SNRNP40: variants seen among roughly 807,000 people sequenced by gnomAD.
SNRNP40 encodes the protein U5 small nuclear ribonucleoprotein 40 kDa protein.
SNRNP40 carries 21 observed loss-of-function variants against 45.8 expected under a neutral mutation model. That is an observed-to-expected ratio of 0.46 (90% CI 0.32 to 0.66). SNRNP40 has a LOEUF of 0.66. Ranked by LOEUF, SNRNP40 falls within the 30% of genes least tolerant of loss-of-function variation. SNRNP40 has a pLI of 0.03. For missense variants in SNRNP40, 344 were observed against 439.1 expected (o/e 0.78, Z 1.94); for synonymous variants, 142 against 163.8 (o/e 0.87, Z 1.01).
At chr1:31,288,805 C>T (rs1199209115) in intron 4 of SNRNP40, among the ~76,000 whole-genome samples, 1 of 152,146 alleles carries the variant, frequency 6.6e-6, no homozygotes, top group African/African-American at 2.4e-5. Context: ...GTGGTGCAAT[C>T]TCTGCAAGCT....
At chr1:31,296,519 C>A (rs1452690497) in intron 1 of SNRNP40, 92 bp downstream of exon 1, 1 of 1,453,024 alleles carries the variant, frequency 6.9e-7, no homozygotes, top group Non-Finnish European at 9.3e-7. Flanking sequence ...TCTGCCCCCG[C>A]AATGCGGGAA....
Position 31,281,435 on chromosome 1 carries a change from G to A in SNRNP40, c.593C>T (p.Ala198Val). The change falls in exon 5 of 10, where the codon GCT becomes GTT. Residue 198 changes from alanine (A) to valine (V), a missense_variant. Coordinates refer to ENST00000263694, the MANE Select transcript of SNRNP40 (RefSeq NM_004814.3). ...ATCACTTGTGTCATTGAAGGTCACA[G>A]CTAACACCTGGTACGTGTTCTGAAA... The part of the protein sequence containing the change: ...QTFQNTYQVL[A>V]VTFNDTSDQI... 1 of 1,609,040 alleles carries A rather than the reference G, an allele frequency of 6.2e-7. No individual in the cohort carries two copies. Among genetic ancestry groups the A allele is most frequent in the South Asian group, 1.1e-5 (1 of 90,868 alleles).
chr1:31,262,861 G>A (rs370384472), intron 8 of SNRNP40, among the ~76,000 whole-genome samples: 1 of 152,008 alleles, frequency 6.6e-6, no homozygotes, highest in Admixed American at 6.6e-5. Context: ...AATTAGCCAG[G>A]TGTAGTGGTG....
At position 31,290,734 on chromosome 1, in the gene SNRNP40, C is replaced by T. The variant is rs933059847; in HGVS notation, c.365+1179G>A. Among the ~76,000 whole-genome samples, 111 of 151,960 alleles carry T rather than the reference C, an allele frequency of 7.3e-4. No individual in the cohort carries two copies. The East Asian group carries it at 0.011, about 15-fold the overall frequency. ...CTATTAAAAATACAAAAAAATTAGC[C>T]GGGCATGGTGGCGGGCACCTGTAAT... On this transcript the variant is annotated intron_variant, in intron 3 of 9. Coordinates refer to ENST00000263694, the MANE Select transcript of SNRNP40 (RefSeq NM_004814.3).
At chr1:31,282,800 C>T (rs1012728025) in intron 4 of SNRNP40, among the ~76,000 whole-genome samples, 2 of 152,070 alleles carry the variant, frequency 1.3e-5, no homozygotes, top group African/African-American at 2.4e-5. Flanking sequence ...CTCAGCCTCC[C>T]GAGTAGGTGG....
At position 31,271,482 on chromosome 1, in the gene SNRNP40, C is replaced by T. The variant is rs1645937870; in HGVS notation, c.672G>A (p.Gln224=). ...DNDIKVWDLR[Q]NKLTYTMRGH... ...CTCTCATGGTGTAGGTTAGCTTGTT[C>T]TGGCGCAGGTCCCAGACCTGCAAAA... Residue 224 remains glutamine, a synonymous_variant, in exon 6 of 10, where the codon CAG becomes CAA. Coordinates refer to ENST00000263694, the MANE Select transcript of SNRNP40 (RefSeq NM_004814.3). 2 of 1,613,326 alleles carry T rather than the reference C, an allele frequency of 1.2e-6. No individual in the cohort carries two copies. Among genetic ancestry groups the T allele is most frequent in the Non-Finnish European group, 1.7e-6 (2 of 1,179,830 alleles).
At chr1:31,268,496 C>G (rs927195459) in intron 7 of SNRNP40, among the ~76,000 whole-genome samples, 1 of 152,032 alleles carries the variant, frequency 6.6e-6, no homozygotes, top group Non-Finnish European at 1.5e-5. Context: ...CCTGGCTGGT[C>G]TCTAACTCCT....
intron 6 of SNRNP40, among the ~76,000 whole-genome samples, chr1:31,270,658 A>G (rs1292010641): frequency 7.0e-6 from 1 of 141,926 alleles, no homozygotes; most frequent in Non-Finnish European, 1.6e-5. Context: ...TTAAAAGGTA[A>G]AGATGTCCAT....
intron 8 of SNRNP40, among the ~76,000 whole-genome samples, chr1:31,262,600 T>G (rs1645867156): frequency 6.8e-6 from 1 of 146,544 alleles, no homozygotes; most frequent in Non-Finnish European, 1.5e-5. Flanking sequence ...ATAAGAAAAC[T>G]GGGGCACAGT....
At chr1:31,260,734 T>A (rs1358484934) in intron 9 of SNRNP40, among the ~76,000 whole-genome samples, 3 of 150,976 alleles carry the variant, frequency 2.0e-5, no homozygotes, top group Non-Finnish European at 4.4e-5. Flanking sequence ...TGGTGGTGGG[T>A]GCCTGTAGTC....
chr1:31,265,774 A>G (rs1269515763), intron 8 of SNRNP40, among the ~76,000 whole-genome samples: 1 of 152,200 alleles, frequency 6.6e-6, no homozygotes, highest in African/African-American at 2.4e-5. Flanking sequence ...CAGGAGGTGG[A>G]GCTTGTAGTG....
intron 1 of SNRNP40, 48 bp downstream of exon 1, chr1:31,296,563 G>A (rs186134475): frequency 3.2e-6 from 5 of 1,568,940 alleles, no homozygotes; most frequent in African/African-American, 1.4e-5. Context: ...GCGCTCTGAG[G>A]GGAGGAAGAT....
At chr1:31,282,102 T>G (rs988765729) in intron 4 of SNRNP40, 15 of 152,244 alleles carry the variant, frequency 9.9e-5, no homozygotes, top group African/African-American at 3.6e-4. Context: ...TTTTAACTTG[T>G]GCTGGCTCTG....
intron 1 of SNRNP40, among the ~76,000 whole-genome samples, chr1:31,293,590 C>CT (rs979161733): frequency 5.2e-4 from 79 of 152,064 alleles, no homozygotes; most frequent in African/African-American, 1.8e-3. Flanking sequence ...GTACGACCAA[C>CT]TTTTTTTTGG....
chr1:31,295,800 CAGATG>C (rs1646147216), intron 1 of SNRNP40, among the ~76,000 whole-genome samples: 1 of 152,182 alleles, frequency 6.6e-6, no homozygotes, highest in Non-Finnish European at 1.5e-5. Flanking sequence ...ACAAAAATGC[CAGATG>C]AGATAATAAT....
chr1:31,288,950 C>A (rs557798066), intron 4 of SNRNP40, among the ~76,000 whole-genome samples: 1 of 152,300 alleles, frequency 6.6e-6, no homozygotes, highest in Non-Finnish European at 1.5e-5. Flanking sequence ...CCAGGATGGT[C>A]TTGATCTCTT....
intron 6 of SNRNP40, 194 bp from the exon 7 acceptor site, chr1:31,269,434 A>G: frequency 2.3e-6 from 3 of 1,310,452 alleles, no homozygotes; most frequent in Non-Finnish European, 3.0e-6. Flanking sequence ...TCTAAATCCC[A>G]ATAACTGGGG....
rs757952916 is a variant in SNRNP40 at position 31,268,300 on chromosome 1, TG to T, written c.859-369del. ...ATAAATTTTGGGTTTTTTTTTTTTT[TG>T]AGACAGGGTCTCGCTCTCTTGTCCA... is the stretch of plus-strand genomic sequence containing the variant. On this transcript the variant is annotated intron_variant, in intron 7 of 9. Transcript: ENST00000263694. 1.7e-3 allele frequency among the ~76,000 whole-genome samples: 256 copies of T among 146,814 alleles called. 1 individual carries two copies. Among genetic ancestry groups the T allele is most frequent in the Middle Eastern group, 7.2e-3 (2 of 276 alleles).
chr1:31,263,802 C>G (rs1484031920), intron 8 of SNRNP40: 1 of 216,726 alleles, frequency 4.6e-6, no homozygotes, highest in Non-Finnish European at 9.2e-6. Context: ...TTCCTATGTT[C>G]CTGACCACCT....
Sources: allele counts gnomAD v4.1 joint callset (sites outside exome capture counted in the v4.1 genomes callset), GRCh38; gene constraint gnomAD v4.1.1; transcripts MANE v1.5; gene names NCBI Gene and HGNC (gene_info 2026-07-23, HGNC 2026-07-21).